PES1: variants seen among roughly 807,000 people sequenced by gnomAD.
The protein encoded by PES1 is pescadillo ribosomal biogenesis factor 1.
In PES1, 31 loss-of-function variants were observed where a neutral mutation model predicts 77.1. That is an observed-to-expected ratio of 0.40 (90% confidence interval 0.30 to 0.54). The LOEUF (loss-of-function observed/expected upper bound fraction) is 0.54, where lower values mean the gene tolerates loss of function less well. Ranked by LOEUF, PES1 falls within the 20% of genes least tolerant of loss-of-function variation. The pLI is 0.45. For missense variants in PES1, 658 were observed against 771.7 expected (o/e 0.85, Z 1.75); for synonymous variants, 282 against 303.0 (o/e 0.93, Z 0.72).
At chr22:30,598,875 C>T (rs2087307583) in intron 2 of PES1, among the ~76,000 whole-genome samples, 1 of 88,448 alleles carries the variant, frequency 1.1e-5, no homozygotes, top group Admixed American at 1.3e-4. Flanking sequence ...GTTTATGTGA[C>T]TTAAGTAAAA....
chr22:30,589,009 TCTC>T (rs975686585), intron 2 of PES1, among the ~76,000 whole-genome samples, 179 bp downstream of exon 2: 5 of 152,104 alleles, frequency 3.3e-5, no homozygotes, highest in Admixed American at 6.6e-5. Context: ...CCAGTTCAGT[TCTC>T]CTCCATTTTC....
chr22:30,594,378 G>A (rs914878880), upstream of PES1, among the ~76,000 whole-genome samples: 2 of 151,678 alleles, frequency 1.3e-5, no homozygotes, highest in Admixed American at 1.3e-4. Context: ...AAATTGTCTG[G>A]GCGTGGTGAT....
chr22:30,582,482 G>T (rs1213775928), intron 6 of PES1, among the ~76,000 whole-genome samples: 1 of 152,190 alleles, frequency 6.6e-6, no homozygotes, highest in Admixed American at 6.5e-5. Context: ...CTTTGCCCTG[G>T]AGCAGTTAAT....
At chr22:30,599,066 T>A (rs2087313904) in intron 2 of PES1, among the ~76,000 whole-genome samples, 1 of 151,516 alleles carries the variant, frequency 6.6e-6, no homozygotes, top group African/African-American at 2.4e-5. Flanking sequence ...ACCAGCTACT[T>A]TTTGTATTTT....
chr22:30,591,580 C>G (rs997763780), intron 1 of PES1, among the ~76,000 whole-genome samples: 6 of 152,198 alleles, frequency 3.9e-5, no homozygotes, highest in African/African-American at 1.4e-4. Flanking sequence ...AAGTTCAACT[C>G]TCTTTCACAG....
At chr22:30,591,659 C>T in intron 1 of PES1, 151 bp downstream of exon 1, 1 of 782,660 alleles carries the variant, frequency 1.3e-6, no homozygotes, top group Non-Finnish European at 2.0e-6. Context: ...CATCCTTGTC[C>T]ATTCTCGGAC....
chr22:30,602,723 C>G (rs1398822386), intron 2 of PES1, among the ~76,000 whole-genome samples: 2 of 152,070 alleles, frequency 1.3e-5, no homozygotes, highest in Non-Finnish European at 2.9e-5. Flanking sequence ...AAAGGCATCA[C>G]CTCTTCTTGA....
intron 2 of PES1, among the ~76,000 whole-genome samples, chr22:30,588,669 G>T (rs915096157): frequency 6.6e-6 from 1 of 152,088 alleles, no homozygotes; most frequent in African/African-American, 2.4e-5. Flanking sequence ...TGTAATCCTA[G>T]CTACTCGGGA....
chr22:30,591,990 G>A, upstream of PES1: 2 of 1,377,242 alleles, frequency 1.5e-6, no homozygotes, highest in Non-Finnish European at 1.9e-6. Flanking sequence ...AGGGAAAGAT[G>A]GGGATTTCCT....
chr22:30,584,157 C>T (rs955429971), intron 6 of PES1: 2 of 594,600 alleles, frequency 3.4e-6, no homozygotes, highest in African/African-American at 1.9e-5. Context: ...CAAGGGCACG[C>T]AGCTGGCAGG....
upstream of PES1, among the ~76,000 whole-genome samples, chr22:30,596,324 C>G (rs2087251507): frequency 6.6e-6 from 1 of 150,828 alleles, no homozygotes; most frequent in Non-Finnish European, 1.5e-5. Context: ...TAACCCTAAA[C>G]TCATTGTTTT....
intron 2 of PES1, among the ~76,000 whole-genome samples, chr22:30,604,522 A>G (rs115485520): frequency 0.012 from 1,805 of 152,128 alleles, 45 homozygotes; most frequent in African/African-American, 0.041. Context: ...GATGTCAGCT[A>G]CTCAAGAGGT....
intron 2 of PES1, among the ~76,000 whole-genome samples, chr22:30,588,744 A>G (rs1216806628): frequency 6.6e-6 from 1 of 151,790 alleles, no homozygotes; most frequent in Non-Finnish European, 1.5e-5. Flanking sequence ...GATCACGCCA[A>G]TGCACTCCAG....
chr22:30,579,654 C>G, intron 12 of PES1, 97 bp downstream of exon 12: 1 of 1,212,170 alleles, frequency 8.2e-7, no homozygotes. Context: ...CTTTCTGCTC[C>G]TACTGCCTGT....
At chr22:30,596,426 C>T (rs1247301579), upstream of PES1, among the ~76,000 whole-genome samples, 2 of 151,680 alleles carry the variant, frequency 1.3e-5, no homozygotes, top group African/African-American at 4.8e-5. Flanking sequence ...CTCAAGCAGT[C>T]CTCCTGCCTC....
rs2087036535 is a variant in PES1, at chr22:30,584,377, G to C, written c.618C>G (p.Ala206=). The change falls in exon 6 of 15, where the codon GCC becomes GCG. Residue 206 remains alanine (A), a synonymous_variant. Coordinates refer to ENST00000354694, the MANE Select transcript of PES1 (RefSeq NM_014303.4). ...GQPIVWITPY[A]FSHDHPTDVD... is the part of the protein sequence containing the mutation. The stretch of plus-strand genomic sequence containing the variant: ...CAGGCACACTCACGTCATGGGAGAA[G>C]GCATAGGGAGTGATCCACACGATGG... 6.2e-7 allele frequency: 1 copy of C among 1,610,256 alleles called. No individual in the cohort carries two copies. Among genetic ancestry groups the C allele is most frequent in the African/African-American group, 1.3e-5 (1 of 74,846 alleles).
chr22:30,582,672 A>C (rs1055228643), intron 6 of PES1, among the ~76,000 whole-genome samples: 3 of 152,150 alleles, frequency 2.0e-5, no homozygotes, highest in African/African-American at 7.2e-5. Flanking sequence ...CATGACTCTT[A>C]GCTGTTCCGC....
intron 1 of PES1, 150 bp downstream of exon 1, chr22:30,591,660 A>G: frequency 1.2e-6 from 1 of 808,854 alleles, no homozygotes; most frequent in South Asian, 1.8e-5. Context: ...ATCCTTGTCC[A>G]TTCTCGGACC....
chr22:30,606,899 G>A, exon 1 of PES1: 2 of 1,060,750 alleles, frequency 1.9e-6, no homozygotes, highest in Non-Finnish European at 2.3e-6. Context: ...GTACCGGGTA[G>A]GCACCCGGTC....
Sources: allele counts gnomAD v4.1 joint callset (sites outside exome capture counted in the v4.1 genomes callset), GRCh38; gene constraint gnomAD v4.1.1; transcripts MANE v1.5; gene names NCBI Gene and HGNC (gene_info 2026-07-23, HGNC 2026-07-21).